Variants in HNF1A observed in about 807,000 individuals in gnomAD.
HNF1A encodes HNF1 homeobox A, also known as hepatocyte nuclear factor 1-alpha.
A neutral mutation model predicts 62.2 loss-of-function variants in HNF1A; 21 were observed. The observed-to-expected ratio is 0.34, with a 90% CI of 0.24 to 0.49. The LOEUF (loss-of-function observed/expected upper bound fraction) is 0.49. Among genes scored for constraint, HNF1A ranks in the 20% least tolerant of loss-of-function variants. The probability of loss-of-function intolerance (pLI) is 0.99; values close to 1 mark genes in which losing one functional copy is unlikely to be tolerated. For missense variants in HNF1A, 687 were observed against 832.3 expected, an observed-to-expected ratio of 0.83 and a Z score of 2.15; for synonymous variants, 374 against 366.8, an observed-to-expected ratio of 1.02 and a Z score of -0.22.
chr12:120,997,182 C>T, intron 6 of HNF1A: 1 of 1,413,918 alleles, frequency 7.1e-7, no homozygotes, highest in Middle Eastern at 2.6e-4. Flanking sequence ...GGCCTTTGCA[C>T]TGCTGTGGAA....
intron 1 of HNF1A, among the ~76,000 whole-genome samples, chr12:120,986,579 GT>G (rs938852370): frequency 6.6e-6 from 1 of 151,874 alleles, no homozygotes; most frequent in African/African-American, 2.4e-5. Context: ...GTAACTTTTT[GT>G]TTGTTTGTTT....
chr12:120,993,747 C>T (rs1876942649), intron 3 of HNF1A, 41 bp downstream of exon 3: 3 of 1,604,074 alleles, frequency 1.9e-6, no homozygotes, highest in African/African-American at 2.7e-5. Context: ...TTGGTCTGGG[C>T]TGCGGCAAGG....
intron 4 of HNF1A, 149 bp downstream of exon 4, chr12:120,994,554 T>C: frequency 1.1e-6 from 1 of 885,726 alleles, no homozygotes; most frequent in Non-Finnish European, 1.7e-6. Context: ...TTCACTCTGT[T>C]CATTCATCCA....
intron 9 of HNF1A, chr12:121,000,541 G>A (rs976280802): frequency 1.1e-4 from 21 of 199,660 alleles, no homozygotes; most frequent in African/African-American, 4.2e-4. Flanking sequence ...CCGTGTCTGC[G>A]GGGGGCTGGC....
Position 120,978,868 on chromosome 12 carries a change from G to A in HNF1A, c.100G>A (p.Gly34Arg), listed in dbSNP as rs139742280. Reference sequence around the variant, plus strand: ...ACTGATCCAGGCACTGGGTGAGCCGGGGCCCTACCTCCTGGCTGGAGAAGG... The same window carrying A: ...ACTGATCCAGGCACTGGGTGAGCCGAGGCCCTACCTCCTGGCTGGAGAAGG... ...EALIQALGEPGPYLLAGEGPL... is the reference protein window; with the variant it reads ...EALIQALGEPRPYLLAGEGPL... The change falls in exon 1 of 10, where the codon GGG (glycine) becomes AGG (arginine). Residue 34 changes from glycine (G) to arginine (R), a missense_variant. Coordinates refer to ENST00000257555, the MANE Select transcript of HNF1A (RefSeq NM_000545.8). 6.2e-6 allele frequency: 10 copies of A among 1,613,296 alleles called. No homozygotes were observed. Among genetic ancestry groups the A allele is most frequent in the African/African-American group, 5.3e-5 (4 of 74,922 alleles).
chr12:121,000,961 G>A (rs548018013), intron 9 of HNF1A, 104 bp from the exon 10 acceptor site: 260 of 1,483,938 alleles, frequency 1.8e-4, no homozygotes, highest in Non-Finnish European at 2.4e-4. Context: ...CTGTGATCCA[G>A]GAGGTGTGGC....
intron 7 of HNF1A, 125 bp downstream of exon 7, chr12:120,997,790 G>C (rs534579147): frequency 1.0e-6 from 1 of 990,038 alleles, no homozygotes; most frequent in South Asian, 1.4e-5. Flanking sequence ...GTGTGTTTCC[G>C]TGATTGAGGG....
At chr12:120,981,990 AC>A (rs1876268646) in intron 1 of HNF1A, among the ~76,000 whole-genome samples, 1 of 152,060 alleles carries the variant, frequency 6.6e-6, no homozygotes, top group Non-Finnish European at 1.5e-5. Context: ...AGAAACTGGG[AC>A]CCAGAGTTCC....
At chr12:120,995,532 C>T (rs1237956227) in intron 4 of HNF1A, among the ~76,000 whole-genome samples, 1 of 151,962 alleles carries the variant, frequency 6.6e-6, no homozygotes, top group Non-Finnish European at 1.5e-5. Context: ...ACTCACTCCA[C>T]TCTATACCAT....
At position 121,002,469 on chromosome 12, in the gene HNF1A, GTTTAT is replaced by G; in HGVS notation, c.*1280_*1284del. ...TGTAGCCAGCCGGGGCGAGTGGCACGTTTATTTAACTTTTAGTAAAGTCAAGGAGA... is the reference window on the plus strand; with the variant it reads ...TGTAGCCAGCCGGGGCGAGTGGCACGTTAACTTTTAGTAAAGTCAAGGAGA... On this transcript the variant is annotated 3_prime_UTR_variant, in exon 10 of 10. Transcript: ENST00000257555. 1 of 524,036 alleles carries G rather than the reference GTTTAT, an allele frequency of 1.9e-6. No homozygotes were observed. The highest frequency in any genetic ancestry group is 3.7e-6 in the Non-Finnish European group (1 of 268,754). The allele number at this position is 524,036 out of a possible 1,614,324, so 32.5% of individuals were successfully genotyped here. A position where few individuals can be genotyped will look rare whatever the true frequency, so the allele number is the denominator to read the frequency against.
At chr12:120,995,396 T>A (rs1877049824) in intron 4 of HNF1A, among the ~76,000 whole-genome samples, 1 of 151,694 alleles carries the variant, frequency 6.6e-6, no homozygotes, top group East Asian at 2.0e-4. Context: ...CTCCACTCCA[T>A]CCACTCTACC....
At chr12:120,998,192 G>A (rs925280944) in intron 7 of HNF1A, 12 of 237,548 alleles carry the variant, frequency 5.1e-5, no homozygotes, top group Non-Finnish European at 1.0e-4. Context: ...AGGCAGAATC[G>A]CTTGAACCTG....
At chr12:120,986,492 G>C (rs1876514749) in intron 1 of HNF1A, among the ~76,000 whole-genome samples, 1 of 152,244 alleles carries the variant, frequency 6.6e-6, no homozygotes, top group Admixed American at 6.5e-5. Flanking sequence ...GAAAGCACAG[G>C]CTTTGGAATC....
chr12:121,001,831 C>T lies in HNF1A; in HGVS notation c.*639C>T, dbSNP rs906008516. The stretch of plus-strand genomic sequence containing the variant: ...GGGAGGCCGAAGCTAACAGGGAAGG[C>T]AGGCAGGGCTCTCCTGGCTTCCCAT... On this transcript the variant is annotated 3_prime_UTR_variant, in exon 10 of 10. Coordinates refer to ENST00000257555, the MANE Select transcript of HNF1A (RefSeq NM_000545.8). 2 of 532,818 alleles carry T rather than the reference C, an allele frequency of 3.8e-6. No individual in the cohort carries two copies. The highest frequency in any genetic ancestry group is 1.9e-5 in the African/African-American group (1 of 53,844). The allele number at this position is 532,818 out of a possible 1,614,324, so 33.0% of individuals were successfully genotyped here. A position where few individuals can be genotyped will look rare whatever the true frequency, so the allele number is the denominator to read the frequency against.
At position 120,978,960 on chromosome 12, in the gene HNF1A, G is replaced by T. The variant is rs1273560922; in HGVS notation, c.192G>T (p.Leu64=). The change falls in exon 1 of 10, where the codon CTG becomes CTT. Residue 64 remains leucine, a synonymous_variant. Transcript: ENST00000257555. ...AGCTGGCTGAGCTGCCCAATGGGCT[G>T]GGGGAGACTCGGGGCTCCGAGGACG... is the stretch of plus-strand genomic sequence containing the variant. ...RGELAELPNG[L]GETRGSEDET... The T allele has an allele frequency of 6.2e-7, 1 of 1,608,808 alleles. No individual in the cohort carries two copies. Among genetic ancestry groups the T allele is most frequent in the Non-Finnish European group, 8.5e-7 (1 of 1,177,710 alleles).
At chr12:120,988,449 C>T (rs1245794569) in intron 1 of HNF1A, among the ~76,000 whole-genome samples, 3 of 152,058 alleles carry the variant, frequency 2.0e-5, no homozygotes, top group East Asian at 1.9e-4. Flanking sequence ...TCCATCCATC[C>T]GTCCATCCAC....
At chr12:120,980,449 C>A (rs1876196136) in intron 1 of HNF1A, among the ~76,000 whole-genome samples, 1 of 151,866 alleles carries the variant, frequency 6.6e-6, no homozygotes, top group Non-Finnish European at 1.5e-5. Context: ...GGCAGGGGAG[C>A]AGTCAGGGCC....
At chr12:120,997,252 C>T in intron 6 of HNF1A, 1 of 1,428,460 alleles carries the variant, frequency 7.0e-7, no homozygotes, top group Non-Finnish European at 9.1e-7. Context: ...GCCTGCCTCT[C>T]CCACTAGCCT....
chr12:120,999,318 C>G lies in HNF1A; in HGVS notation c.1552C>G (p.Leu518Val). 2 of 1,614,002 alleles carry G rather than the reference C, an allele frequency of 1.2e-6. No homozygotes were observed. The highest frequency in any genetic ancestry group is 8.5e-7 in the Non-Finnish European group (1 of 1,179,970). ...EVAQYTHTGL[L>V]PQTMLITDTT... ...GGCCCAGTACACCCACACGGGCCTG[C>G]TCCCGCAGACTATGCTCATCACCGA... Residue 518 changes from leucine (L) to valine (V), a missense_variant, in exon 8 of 10, where the codon CTC becomes GTC. Leu to Val is a conservative substitution (Grantham distance 32). Around this residue, in one of 5 missense-constraint regions of HNF1A, gnomAD observed 408 missense variants for 455.3 expected, o/e 0.90. Transcript: ENST00000257555.
Sources: allele counts gnomAD v4.1 joint callset (sites outside exome capture counted in the v4.1 genomes callset), GRCh38; gene constraint gnomAD v4.1.1; regional missense constraint gnomAD v4.1.1; transcripts MANE v1.5; gene names NCBI Gene and HGNC (gene_info 2026-07-23, HGNC 2026-07-21).